Variants in KPNA2 observed in about 807,000 individuals in gnomAD.
The protein encoded by KPNA2 is karyopherin subunit alpha 2, also known as importin subunit alpha-1.
A neutral mutation model predicts 53.7 loss-of-function variants in KPNA2; 20 were observed. The ratio of observed to expected loss-of-function variants is 0.37; its 90% confidence interval spans 0.26 to 0.54. The LOEUF (loss-of-function observed/expected upper bound fraction) is 0.54. KPNA2 is among the 20% of genes least tolerant of loss of function. The pLI is 0.83. For synonymous variants in KPNA2, 238 were observed against 227.5 expected (o/e 1.05, Z -0.42); for missense variants, 515 against 640.3 (o/e 0.80, Z 2.11).
Position 68,040,764 on chromosome 17 carries a change from C to G in KPNA2, c.300C>G (p.Ala100=). 1 of 1,598,522 alleles carries G rather than the reference C, an allele frequency of 6.3e-7. No homozygotes were observed. The highest frequency in any genetic ancestry group is 8.6e-7 in the Non-Finnish European group (1 of 1,169,306). The change falls in exon 4 of 11, where the codon GCC becomes GCG. Residue 100 remains alanine (A), a splice_region_variant and synonymous_variant. Transcript: ENST00000330459. ...VENQLQATQA[A]RKLLSREKQP... is the part of the protein sequence containing the mutation. ...ATCAGCTCCAAGCTACTCAAGCTGCCAGGTAAGTCTTGTCTGCGATAGCAT... is the reference window on the plus strand; with the variant it reads ...ATCAGCTCCAAGCTACTCAAGCTGCGAGGTAAGTCTTGTCTGCGATAGCAT...
At chr17:68,041,794 A>G (rs1016065250) in intron 4 of KPNA2, among the ~76,000 whole-genome samples, 4 of 152,198 alleles carry the variant, frequency 2.6e-5, no homozygotes, top group Non-Finnish European at 4.4e-5. Flanking sequence ...TCAGAATGTG[A>G]AAAGTTTTTT....
intron 9 of KPNA2, among the ~76,000 whole-genome samples, chr17:68,045,137 G>A (rs1204163616): frequency 1.7e-4 from 25 of 150,932 alleles, no homozygotes; most frequent in African/African-American, 5.6e-4. Context: ...GGATGCTAGC[G>A]TATCTGTTAC....
intron 3 of KPNA2, among the ~76,000 whole-genome samples, chr17:68,039,124 T>A (rs1368650213): frequency 6.7e-6 from 1 of 148,334 alleles, no homozygotes; most frequent in Non-Finnish European, 1.5e-5. Flanking sequence ...ATATGCTTCC[T>A]TTTTTTTTTG....
At position 68,042,258 on chromosome 17, in the gene KPNA2, T is replaced by C. The variant is rs2071269345; in HGVS notation, c.476T>C (p.Val159Ala). ...SGTSEQTKAV[V>A]DGGAIPAFIS... The stretch of plus-strand genomic sequence containing the variant: ...ACATCAGAACAAACCAAGGCTGTGG[T>C]AGATGGAGGTGCCATCCCAGCATTC... The change falls in exon 5 of 11, where the codon GTA becomes GCA. Residue 159 changes from valine (V) to alanine (A), a missense_variant. Val to Ala is a moderately conservative substitution (Grantham distance 64). Transcript: ENST00000330459. The C allele has an allele frequency of 1.2e-6, 2 of 1,614,092 alleles. No individual in the cohort carries two copies. The highest frequency in any genetic ancestry group is 1.7e-6 in the Non-Finnish European group (2 of 1,180,006).
rs573290024 is a variant in KPNA2 at position 68,035,766 on chromosome 17, C to G, written c.-98C>G. The G allele has an allele frequency of 6.6e-6, 1 of 152,408 alleles. No homozygotes were observed. The highest frequency in any genetic ancestry group is 2.4e-5 in the African/African-American group (1 of 41,438). The allele number at this position is 152,408 out of a possible 1,614,324, so 9.4% of individuals were successfully genotyped here. On this transcript the variant is annotated 5_prime_UTR_variant, in exon 1 of 11. Transcript: ENST00000330459. ...TCTTTGAGCTGAGTCGAGGTGGACC[C>G]TTTGAACGCAGTCGCCCTACAGCCG...
rs782252102 is a variant in KPNA2 at position 68,040,697 on chromosome 17, T to C, written c.233T>C (p.Val78Ala). 1.2e-6 allele frequency: 2 copies of C among 1,612,836 alleles called. No individual in the cohort carries two copies. Among genetic ancestry groups the C allele is most frequent in the South Asian group, 2.2e-5 (2 of 91,024 alleles). Residue 78 changes from valine to alanine, a missense_variant, in exon 4 of 11, where the codon GTT (valine) becomes GCT (alanine). Transcript: ENST00000330459. ...TTCTAGGGCACTGTAAATTGGTCTG[T>C]TGATGACATTGTCAAAGGCATAAAT... ...RNNQGTVNWS[V>A]DDIVKGINSS... is the part of the protein sequence containing the mutation.
chr17:68,041,590 G>A (rs1285263873), intron 4 of KPNA2, among the ~76,000 whole-genome samples: 5 of 152,006 alleles, frequency 3.3e-5, no homozygotes, highest in Non-Finnish European at 7.4e-5. Flanking sequence ...CTTGGGTGTG[G>A]CGGTGCACAC....
intron 7 of KPNA2, 83 bp from the exon 8 acceptor site, chr17:68,043,755 C>T (rs537799140): frequency 3.6e-6 from 3 of 830,872 alleles, no homozygotes; most frequent in African/African-American, 3.4e-5. Context: ...CATGATGGGC[C>T]TCTTGTTAAA....
chr17:68,042,312 A>C lies in KPNA2; in HGVS notation c.530A>C (p.His177Pro). The C allele has an allele frequency of 6.2e-7, 1 of 1,614,208 alleles. No individual in the cohort carries two copies. The highest frequency in any genetic ancestry group is 8.5e-7 in the Non-Finnish European group (1 of 1,180,028). The change falls in exon 5 of 11, where the codon CAC (histidine) becomes CCC (proline). Residue 177 changes from histidine (H) to proline (P), a missense_variant. Transcript: ENST00000330459. ...FISLLASPHAHISEQAVWALG... is the reference protein window; with the variant it reads ...FISLLASPHAPISEQAVWALG... ...TCTCTGTTGGCATCTCCCCATGCTC[A>C]CATCAGTGAACAAGCTGTCTGGGCT... is the stretch of plus-strand genomic sequence containing the variant.
chr17:68,037,579 C>T, intron 3 of KPNA2, 84 bp downstream of exon 3: 1 of 1,297,010 alleles, frequency 7.7e-7, no homozygotes, highest in South Asian at 1.3e-5. Flanking sequence ...GTAAACTTAA[C>T]ATTTCTAGTC....
intron 7 of KPNA2, among the ~76,000 whole-genome samples, 189 bp downstream of exon 7, chr17:68,043,552 A>G (rs35453056): frequency 0.62 from 94,530 of 151,712 alleles, 31,062 homozygotes; most frequent in Non-Finnish European, 0.74. Context: ...AAAAATACAA[A>G]GAAATTATCT....
rs1555704255 is a variant in KPNA2 at position 68,039,758 on chromosome 17, C to T, written c.214-920C>T. Among the ~76,000 whole-genome samples, 4 of 120,290 alleles carry T rather than the reference C, an allele frequency of 3.3e-5. No homozygotes were observed. The South Asian group carries it at 1.1e-3, about 32-fold the overall frequency. 78.9% of individuals were successfully genotyped at this position (120,290 alleles called of 152,430 possible). A position where few individuals can be genotyped will look rare whatever the true frequency, so the allele number is the denominator to read the frequency against. On this transcript the variant is annotated intron_variant, in intron 3 of 10. Transcript: ENST00000330459. ...TCACGCCATTGCACTCCAGCCTGGG[C>T]AAGAAGAGCAAAACTCTGTCTCCAA...
chr17:68,041,624 G>T (rs1555704592), intron 4 of KPNA2, among the ~76,000 whole-genome samples: 1 of 152,018 alleles, frequency 6.6e-6, no homozygotes, highest in Non-Finnish European at 1.5e-5. Flanking sequence ...TACTAAGGAG[G>T]CTGAGGTGGG....
intron 3 of KPNA2, 92 bp from the exon 4 acceptor site, chr17:68,040,586 C>G: frequency 1.2e-6 from 1 of 809,728 alleles, no homozygotes; most frequent in Admixed American, 2.0e-5. Flanking sequence ...ATAAGCCTAA[C>G]GATGTTTACA....
intron 1 of KPNA2, chr17:68,036,057 G>A (rs1555703680): frequency 6.6e-6 from 1 of 152,292 alleles, no homozygotes; most frequent in Non-Finnish European, 1.5e-5. Flanking sequence ...CGGCAGCGGA[G>A]GCCTTAACGC....
Position 68,044,348 on chromosome 17 carries a change from G to C in KPNA2, c.1192G>C (p.Val398Leu), listed in dbSNP as rs1555705129. Residue 398 changes from valine (V) to leucine (L), a missense_variant, in exon 9 of 11, where the codon GTG becomes CTG. By Grantham distance (32) the Val-to-Leu change is conservative (BLOSUM62 1). Transcript: ENST00000330459. The part of the protein sequence containing the change: ...KADFKTQKEA[V>L]WAVTNYTSGG... ...AGATTTTAAGACACAAAAGGAAGCT[G>C]TGTGGGCCGTGACCAACTATACCAG... 1.2e-6 allele frequency: 2 copies of C among 1,613,884 alleles called. No homozygotes were observed. The highest frequency in any genetic ancestry group is 3.3e-5 in the Admixed American group (2 of 59,952).
chr17:68,037,216 C>T lies in KPNA2; in HGVS notation c.75+9C>T. ...AGGGAAAAGACAGTACAGTGAGTAC[C>T]TTCTGTTGCTTTCCTGTGGTGGTAT... On this transcript the variant is annotated intron_variant, in intron 2 of 10. Coordinates refer to ENST00000330459, the MANE Select transcript of KPNA2 (RefSeq NM_002266.4). 1.9e-6 allele frequency: 3 copies of T among 1,605,192 alleles called. No homozygotes were observed. The highest frequency in any genetic ancestry group is 2.2e-5 in the East Asian group (1 of 44,832).
At position 68,043,010 on chromosome 17, in the gene KPNA2, A is replaced by G. The variant is rs1555704832; in HGVS notation, c.666+11A>G. The G allele has an allele frequency of 6.2e-7, 1 of 1,610,460 alleles. No individual in the cohort carries two copies. Among genetic ancestry groups the G allele is most frequent in the South Asian group, 1.1e-5 (1 of 91,004 alleles). On this transcript the variant is annotated intron_variant, in intron 6 of 10. Transcript: ENST00000330459. ...ATGTCATCTTTAGCAGTAAGTTACT[A>G]ACATGAGTAAAGTTACTCACTTCTT...
In KPNA2 at chr17:68,045,787, G is replaced by C; in HGVS notation, c.1363G>C (p.Gly455Arg). ...TTTTTTTTAGGCTGCTGAGAAACTA[G>C]GTGAAACTGAGAAACTTAGTATAAT... ...SNIFQAAEKL[G>R]ETEKLSIMIE... The change falls in exon 10 of 11, where the codon GGT (glycine) becomes CGT (arginine). Residue 455 changes from glycine to arginine, a missense_variant. Physicochemically the swap from Gly to Arg is moderately radical, Grantham distance 125. Transcript: ENST00000330459. The C allele has an allele frequency of 6.3e-7, 1 of 1,579,684 alleles. No individual in the cohort carries two copies. Among genetic ancestry groups the C allele is most frequent in the African/African-American group, 1.4e-5 (1 of 73,124 alleles).
Sources: allele counts gnomAD v4.1 joint callset (sites outside exome capture counted in the v4.1 genomes callset), GRCh38; gene constraint gnomAD v4.1.1; transcripts MANE v1.5; gene names NCBI Gene and HGNC (gene_info 2026-07-23, HGNC 2026-07-21).